PIP5K1B: variants seen among roughly 807,000 people sequenced by gnomAD.
The protein encoded by PIP5K1B is phosphatidylinositol-4-phosphate 5-kinase type 1 beta.
A neutral mutation model predicts 67.0 loss-of-function variants in PIP5K1B; 42 were observed. The ratio of observed to expected loss-of-function variants is 0.63; its 90% CI spans 0.49 to 0.81. PIP5K1B has a LOEUF of 0.81. PIP5K1B is among the 30% of genes least tolerant of loss of function. The pLI, the probability that PIP5K1B is intolerant of heterozygous loss-of-function variation, is 0.00. For missense variants in PIP5K1B, 459 were observed against 646.3 expected, an observed-to-expected ratio of 0.71 and a Z score of 3.14; for synonymous variants, 214 against 231.4, an observed-to-expected ratio of 0.92 and a Z score of 0.68.
chr9:68,938,924 T>A (rs543019202), intron 13 of PIP5K1B, among the ~76,000 whole-genome samples: 3 of 152,342 alleles, frequency 2.0e-5, no homozygotes, highest in Admixed American at 6.5e-5. Context: ...GACCCAGATT[T>A]AAAGGGCTCG....
At chr9:68,884,356 CAAAAA>C (rs538756433) in intron 6 of PIP5K1B, among the ~76,000 whole-genome samples, 2 of 120,662 alleles carry the variant, frequency 1.7e-5, no homozygotes. Context: ...ATACATTCCT[CAAAAA>C]AAAAAAAAAA....
At chr9:68,745,657 AT>A (rs1829259166) in intron 2 of PIP5K1B, among the ~76,000 whole-genome samples, 1 of 152,080 alleles carries the variant, frequency 6.6e-6, no homozygotes, top group African/African-American at 2.4e-5. Flanking sequence ...CTCCACCTGA[AT>A]CTTCCATCCA....
chr9:68,940,869 G>A, intron 14 of PIP5K1B, 79 bp downstream of exon 14: 1 of 1,304,298 alleles, frequency 7.7e-7, no homozygotes, highest in South Asian at 1.2e-5. Flanking sequence ...CTCTGAATGA[G>A]GACACGTCTC....
In PIP5K1B at chr9:68,780,730, G is replaced by C. The variant is rs956273290; in HGVS notation, c.-85-37731G>C. ...CGATTTACCACCCGGAGAAGCCAGA[G>C]CCCCATCAATTGCATTAGACCAAGT... On this transcript the variant is annotated intron_variant, in intron 2 of 15. Coordinates refer to ENST00000265382, the MANE Select transcript of PIP5K1B (RefSeq NM_003558.4). 3 of 1,614,102 alleles carry C rather than the reference G, an allele frequency of 1.9e-6. No homozygotes were observed. Among genetic ancestry groups the C allele is most frequent in the Non-Finnish European group, 2.5e-6 (3 of 1,180,046 alleles).
At chr9:68,945,299 C>T (rs1827748173) in intron 14 of PIP5K1B, among the ~76,000 whole-genome samples, 1 of 152,082 alleles carries the variant, frequency 6.6e-6, no homozygotes, top group South Asian at 2.1e-4. Context: ...GCACCCGCCA[C>T]CACTCCTGGC....
rs116410794 is a variant in PIP5K1B at position 69,005,675 on chromosome 9, G to A, written c.1621-2772G>A. Among the ~76,000 whole-genome samples the A allele has an allele frequency of 6.5e-3, 989 of 151,946 alleles. 12 individuals carry two copies. Among genetic ancestry groups the A allele is most frequent in the African/African-American group, 0.023 (936 of 41,442 alleles). On this transcript the variant is annotated intron_variant, in intron 15 of 15. Coordinates refer to ENST00000265382, the MANE Select transcript of PIP5K1B (RefSeq NM_003558.4). ...ATTACAGGCATGAGCCACCACACCC[G>A]GACTTTACAGACAATTTTTAATGGG... is the stretch of plus-strand genomic sequence containing the variant.
At chr9:68,911,444 T>C (rs1825846999) in intron 8 of PIP5K1B, among the ~76,000 whole-genome samples, 1 of 151,600 alleles carries the variant, frequency 6.6e-6, no homozygotes, top group Non-Finnish European at 1.5e-5. Flanking sequence ...AGGAACGTTT[T>C]GATAATAGAA....
At chr9:68,986,202 C>G (rs1031801487) in intron 14 of PIP5K1B, among the ~76,000 whole-genome samples, 5 of 152,144 alleles carry the variant, frequency 3.3e-5, no homozygotes, top group African/African-American at 1.2e-4. Flanking sequence ...AAATACATTC[C>G]CATCAGCAGT....
chr9:68,978,086 T>C (rs1829715687), intron 14 of PIP5K1B, among the ~76,000 whole-genome samples: 1 of 152,214 alleles, frequency 6.6e-6, no homozygotes, highest in Non-Finnish European at 1.5e-5. Context: ...TGTAAAATGA[T>C]TACCACATCA....
chr9:68,905,696 A>C (rs1825575373), intron 8 of PIP5K1B, among the ~76,000 whole-genome samples: 1 of 152,224 alleles, frequency 6.6e-6, no homozygotes, highest in African/African-American at 2.4e-5. Flanking sequence ...AGGCTTAAAG[A>C]ATAAAGAGTA....
chr9:68,839,944 ACC>A (rs1821831688), intron 4 of PIP5K1B, among the ~76,000 whole-genome samples: 1 of 152,116 alleles, frequency 6.6e-6, no homozygotes, highest in African/African-American at 2.4e-5. Flanking sequence ...GTCCTCTAGG[ACC>A]ACTTTCTGGG....
At chr9:68,833,575 C>G (rs887258750) in intron 4 of PIP5K1B, among the ~76,000 whole-genome samples, 1 of 151,856 alleles carries the variant, frequency 6.6e-6, no homozygotes, top group East Asian at 1.9e-4. Flanking sequence ...CCCCACCCCC[C>G]GACAACAAAT....
At chr9:68,899,263 T>A (rs1312410731) in intron 8 of PIP5K1B, among the ~76,000 whole-genome samples, 4 of 152,208 alleles carry the variant, frequency 2.6e-5, no homozygotes, top group Non-Finnish European at 5.9e-5. Context: ...AAGACCGTGC[T>A]GTTGTGGTTC....
At chr9:68,722,362 G>A (rs987179925) in intron 1 of PIP5K1B, among the ~76,000 whole-genome samples, 3 of 151,814 alleles carry the variant, frequency 2.0e-5, no homozygotes, top group South Asian at 2.1e-4. Context: ...CTGCCTCCGC[G>A]CCAGGCTAAT....
intron 6 of PIP5K1B, among the ~76,000 whole-genome samples, chr9:68,883,047 C>G (rs1417211247): frequency 2.0e-5 from 3 of 152,184 alleles, no homozygotes; most frequent in African/African-American, 4.8e-5. Flanking sequence ...AACAGCAATA[C>G]ATGGTCACTC....
In PIP5K1B at chr9:68,991,258, G is replaced by A. The variant is rs1183844146; in HGVS notation, c.1620+1G>A. ...TGCTTCTGTGCTTGACGTCTATTTA[G>A]TAAGTAATTTTTTAGTTTCCTCTCC... On this transcript the variant is annotated splice_donor_variant, in intron 15 of 15. Coordinates refer to ENST00000265382, the MANE Select transcript of PIP5K1B (RefSeq NM_003558.4). LOFTEE classifies it high-confidence loss of function. The A allele has an allele frequency of 1.3e-6, 2 of 1,554,190 alleles. No individual in the cohort carries two copies. Among genetic ancestry groups the A allele is most frequent in the East Asian group, 4.5e-5 (2 of 44,594 alleles).
At chr9:68,953,688 A>G (rs1295290158) in intron 14 of PIP5K1B, among the ~76,000 whole-genome samples, 1 of 151,704 alleles carries the variant, frequency 6.6e-6, no homozygotes, top group Non-Finnish European at 1.5e-5. Flanking sequence ...GCAGTGACAC[A>G]CCTGTAGTCC....
intron 4 of PIP5K1B, among the ~76,000 whole-genome samples, chr9:68,841,012 A>G (rs1479728553): frequency 6.6e-6 from 1 of 152,182 alleles, no homozygotes; most frequent in Non-Finnish European, 1.5e-5. Flanking sequence ...GTAGATACCA[A>G]CTGTGATCCT....
At chr9:68,783,068 T>A (rs1831390521) in intron 2 of PIP5K1B, 1 of 167,086 alleles carries the variant, frequency 6.0e-6, no homozygotes, top group South Asian at 2.1e-4. Flanking sequence ...CTGTCTCCTT[T>A]TGGTTCAGTC....
Sources: gnomAD v4.1 joint callset for allele counts (sites outside exome capture counted in the v4.1 genomes callset) on GRCh38, gnomAD v4.1.1 for gene constraint, MANE v1.5 for transcripts, NCBI Gene and HGNC (gene_info 2026-07-23, HGNC 2026-07-21) for gene names.